The following TRMT11 variants were observed in gnomAD, a reference collection of about 807,000 sequenced individuals.
TRMT11 encodes the protein tRNA (guanine(10)-N(2))-methyltransferase TRMT11.
Under a neutral mutation model 62.8 loss-of-function variants are expected in TRMT11, and 53 were observed. The observed-to-expected ratio is 0.84, with a 90% CI of 0.68 to 1.06. TRMT11 has a LOEUF of 1.06. Ranked by LOEUF, TRMT11 falls within the 50% of genes least tolerant of loss-of-function variation. TRMT11 has a pLI of 0.00. For synonymous variants in TRMT11, 188 were observed against 190.3 expected, an observed-to-expected ratio of 0.99 and a Z score of 0.10; for missense variants, 556 against 553.4, an observed-to-expected ratio of 1.00 and a Z score of -0.05.
intron 17 of TRMT11, among the ~76,000 whole-genome samples, chr6:126,098,686 G>A (rs896756381): frequency 6.6e-6 from 1 of 152,218 alleles, no homozygotes; most frequent in East Asian, 1.9e-4. Flanking sequence ...AAAAGTTGGA[G>A]AAGAGTGTAG....
chr6:126,088,902 CT>C (rs1777243354), intron 17 of TRMT11, among the ~76,000 whole-genome samples: 1 of 152,176 alleles, frequency 6.6e-6, no homozygotes, highest in Non-Finnish European at 1.5e-5. Flanking sequence ...ACCTACATCA[CT>C]TTTTATATCT....
intron 12 of TRMT11, among the ~76,000 whole-genome samples, chr6:126,037,842 G>T (rs1775464320): frequency 2.6e-5 from 4 of 151,910 alleles, no homozygotes; most frequent in Admixed American, 1.3e-4. Flanking sequence ...CTACCATTTT[G>T]ATACTGAAAT....
At chr6:126,081,759 G>C (rs1562319094) in intron 17 of TRMT11, among the ~76,000 whole-genome samples, 1 of 152,168 alleles carries the variant, frequency 6.6e-6, no homozygotes, top group Admixed American at 6.5e-5. Flanking sequence ...AGAGAGAGGG[G>C]GCCCTGCAGC....
At chr6:126,177,195 T>G (rs1778396546) in exon 1 of TRMT11, 1 of 152,168 alleles carries the variant, frequency 6.6e-6, no homozygotes, top group African/African-American at 2.4e-5. Flanking sequence ...CTTTCCCAGG[T>G]ATCATAAAAT....
intron 11 of TRMT11, among the ~76,000 whole-genome samples, chr6:126,017,658 C>T (rs1004487330): frequency 2.6e-5 from 4 of 152,214 alleles, no homozygotes; most frequent in African/African-American, 9.6e-5. Flanking sequence ...TTAATTGTCA[C>T]CACTTCTGTG....
At chr6:126,037,936 A>G (rs1319617274) in intron 12 of TRMT11, among the ~76,000 whole-genome samples, 1 of 152,078 alleles carries the variant, frequency 6.6e-6, no homozygotes, top group Non-Finnish European at 1.5e-5. Flanking sequence ...GTGTAATTGA[A>G]TATGAATTTA....
At chr6:126,209,401 G>C in the TRMT11 span, among the ~76,000 whole-genome samples, 1 of 152,104 alleles carries the variant, frequency 6.6e-6, no homozygotes, top group South Asian at 2.1e-4. Context: ...AGGTTGCAAA[G>C]CCTGAAATAG....
the TRMT11 span, among the ~76,000 whole-genome samples, chr6:126,267,514 C>G: frequency 6.6e-6 from 1 of 152,116 alleles, no homozygotes; most frequent in Non-Finnish European, 1.5e-5. Context: ...TAAGTTTATG[C>G]TTATTGTCCC....
At chr6:126,051,279 G>T (rs967906613) in intron 16 of TRMT11, among the ~76,000 whole-genome samples, 3 of 152,174 alleles carry the variant, frequency 2.0e-5, no homozygotes, top group African/African-American at 7.2e-5. Flanking sequence ...GATCCGGGAG[G>T]AGGTAATGAT....
downstream of TRMT11, among the ~76,000 whole-genome samples, chr6:126,207,388 T>C (rs368869428): frequency 6.6e-6 from 1 of 152,098 alleles, no homozygotes; most frequent in Non-Finnish European, 1.5e-5. Context: ...CCAACAGAGA[T>C]GGGAGATGGG....
intron 21 of TRMT11, among the ~76,000 whole-genome samples, chr6:126,119,853 G>A (rs149394942): frequency 6.6e-4 from 101 of 152,152 alleles, no homozygotes; most frequent in African/African-American, 2.2e-3. Context: ...AAAACAATTA[G>A]CAATGAACAC....
chr6:126,142,500 TAAG>T lies in TRMT11; in HGVS notation c.*1823+26648_*1823+26650del, dbSNP rs202138491. Among the ~76,000 whole-genome samples the T allele has an allele frequency of 7.2e-3, 1,093 of 152,204 alleles. 11 individuals are homozygous for T. The highest frequency in any genetic ancestry group is 0.025 in the African/African-American group (1,043 of 41,552). ...TTTGATTTGTAGGTAGAAATTGCGT[TAAG>T]AAATAACAGAAAGAACATGAATTTA... On this transcript the variant is annotated intron_variant and NMD_transcript_variant, in intron 21 of 22. Coordinates refer to the TRMT11 transcript ENST00000648977.
At chr6:125,992,590 A>G (rs180770507) in intron 1 of TRMT11, among the ~76,000 whole-genome samples, 25 of 152,244 alleles carry the variant, frequency 1.6e-4, no homozygotes, top group African/African-American at 6.0e-4. Context: ...TTTATAGTTC[A>G]CCTAACCTGA....
the TRMT11 span, among the ~76,000 whole-genome samples, chr6:126,247,757 A>G: frequency 8.6e-5 from 13 of 151,776 alleles, no homozygotes; most frequent in Non-Finnish European, 1.3e-4. Flanking sequence ...TTAAAGTCTT[A>G]GAAGATCCGT....
intron 12 of TRMT11, 85 bp from the exon 13 acceptor site, chr6:126,038,608 GAGATTTTGCTTA>G (rs1238461627): frequency 6.8e-6 from 7 of 1,032,464 alleles, no homozygotes; most frequent in South Asian, 3.6e-5. Flanking sequence ...ACTAGAGAGT[GAGATTTTGCTTA>G]AGATTTTGCT....
chr6:126,005,695 A>G (rs1793243205), intron 7 of TRMT11, among the ~76,000 whole-genome samples: 1 of 152,058 alleles, frequency 6.6e-6, no homozygotes, highest in South Asian at 2.1e-4. Context: ...GTAATTTGCA[A>G]CTGTTGGCAG....
intron 1 of TRMT11, among the ~76,000 whole-genome samples, chr6:126,195,628 A>C (rs551876015): frequency 6.6e-6 from 1 of 152,268 alleles, no homozygotes; most frequent in African/African-American, 2.4e-5. Context: ...CAGAATCTCA[A>C]GTATGTTCAG....
At chr6:126,043,675 G>T (rs1775953201), downstream of TRMT11, among the ~76,000 whole-genome samples, 1 of 152,076 alleles carries the variant, frequency 6.6e-6, no homozygotes, top group Non-Finnish European at 1.5e-5. Context: ...CACCAACAGT[G>T]TAAAACTGTT....
chr6:126,090,295 A>G (rs1213720671), intron 17 of TRMT11, among the ~76,000 whole-genome samples: 2 of 152,170 alleles, frequency 1.3e-5, no homozygotes, highest in Non-Finnish European at 2.9e-5. Flanking sequence ...CCCAGTGCTG[A>G]GCATAGAGTA....
Sources: allele counts gnomAD v4.1 joint callset (sites outside exome capture counted in the v4.1 genomes callset), GRCh38; gene constraint gnomAD v4.1.1; transcripts MANE v1.5; gene names NCBI Gene and HGNC (gene_info 2026-07-23, HGNC 2026-07-21).